The following CSMD3 variants were observed in gnomAD, a reference collection of about 807,000 sequenced individuals.
CSMD3 encodes CUB and Sushi multiple domains 3.
In CSMD3, 177 loss-of-function variants were observed where a neutral mutation model predicts 435.2. The ratio of observed to expected loss-of-function variants is 0.41; its 90% confidence interval spans 0.36 to 0.46. The LOEUF (loss-of-function observed/expected upper bound fraction) is 0.46, where lower values mean the gene tolerates loss of function less well. CSMD3 is among the 20% of genes least tolerant of loss of function. CSMD3 has a pLI of 0.34. For missense variants in CSMD3, 4,265 were observed against 4,504.6 expected, an observed-to-expected ratio of 0.95 and a Z score of 1.52; for synonymous variants, 1,656 against 1,520.5, an observed-to-expected ratio of 1.09 and a Z score of -2.07.
At chr8:112,698,018 GGTGGCA>G (rs1051008373) in intron 13 of CSMD3, among the ~76,000 whole-genome samples, 1 of 152,126 alleles carries the variant, frequency 6.6e-6, no homozygotes, top group African/African-American at 2.4e-5. Flanking sequence ...GGTAGAGTTA[GGTGGCA>G]GTGGCAGTGG....
chr8:113,368,031 T>C (rs908699971), intron 1 of CSMD3, among the ~76,000 whole-genome samples: 3 of 152,158 alleles, frequency 2.0e-5, no homozygotes, highest in African/African-American at 7.2e-5. Flanking sequence ...CATCATTATT[T>C]GGTACATAAA....
chr8:112,684,837 C>A (rs1252953709), intron 15 of CSMD3, among the ~76,000 whole-genome samples: 1 of 152,102 alleles, frequency 6.6e-6, no homozygotes, highest in Non-Finnish European at 1.5e-5. Context: ...CTAATTTATT[C>A]TTTATAGCAA....
At chr8:112,884,346 A>G (rs2081530023) in intron 10 of CSMD3, among the ~76,000 whole-genome samples, 1 of 151,744 alleles carries the variant, frequency 6.6e-6, no homozygotes, top group African/African-American at 2.4e-5. Context: ...TGCTTCTTCT[A>G]TGACTCTTAG....
intron 28 of CSMD3, among the ~76,000 whole-genome samples, chr8:112,511,326 T>C (rs902175615): frequency 2.0e-5 from 3 of 151,778 alleles, no homozygotes; most frequent in African/African-American, 7.3e-5. Flanking sequence ...TGTTGATGGC[T>C]GCTAACTGAT....
chr8:112,648,722 T>C (rs776198364), intron 19 of CSMD3, among the ~76,000 whole-genome samples: 17 of 152,188 alleles, frequency 1.1e-4, no homozygotes, highest in Non-Finnish European at 2.1e-4. Flanking sequence ...TGCCATTACT[T>C]TTTATCTTCC....
intron 58 of CSMD3, among the ~76,000 whole-genome samples, chr8:112,285,682 T>A (rs1165326006): frequency 6.6e-6 from 1 of 152,078 alleles, no homozygotes; most frequent in Non-Finnish European, 1.5e-5. Context: ...AACATTTTAT[T>A]TACTAGTCAA....
chr8:112,975,286 T>C (rs950399314), intron 7 of CSMD3, among the ~76,000 whole-genome samples: 3 of 152,110 alleles, frequency 2.0e-5, no homozygotes, highest in African/African-American at 4.8e-5. Flanking sequence ...AATCTTTCAA[T>C]GCAATCATAT....
At chr8:112,891,819 T>C (rs1419772409) in intron 10 of CSMD3, among the ~76,000 whole-genome samples, 2 of 151,484 alleles carry the variant, frequency 1.3e-5, no homozygotes, top group Admixed American at 6.6e-5. Flanking sequence ...GAATAGGAAA[T>C]TAAATCTCCA....
chr8:112,654,008 TAGAATGGGGTAAAAAAAA>T (rs913154552), intron 18 of CSMD3, among the ~76,000 whole-genome samples: 17 of 148,060 alleles, frequency 1.1e-4, no homozygotes, highest in African/African-American at 3.8e-4. Context: ...GGGGGGCAGA[TAGAATGGGGTAAAAAAAA>T]AGAATGGGGT....
At chr8:112,558,113 G>T (rs1005959488) in intron 24 of CSMD3, among the ~76,000 whole-genome samples, 1 of 151,814 alleles carries the variant, frequency 6.6e-6, no homozygotes, top group African/African-American at 2.4e-5. Flanking sequence ...AATGAAAAGT[G>T]ATTAGAAGGC....
In CSMD3 at chr8:112,689,774, C is replaced by G. The variant is rs2076091293; in HGVS notation, c.2155+94G>C. 4 of 1,061,758 alleles carry G rather than the reference C, an allele frequency of 3.8e-6. No homozygotes were observed. The South Asian group carries it at 4.0e-5, about 11-fold the overall frequency. The allele number at this position is 1,061,758 out of a possible 1,614,324, so 65.8% of individuals were successfully genotyped here. On this transcript the variant is annotated intron_variant, in intron 14 of 70. Transcript: ENST00000297405. ...AGTGCTACTCACTCAAAAATAATTA[C>G]ACGGTTGCAGCTCTTTGCAATTAAT... is the stretch of plus-strand genomic sequence containing the variant.
Position 112,556,936 on chromosome 8 carries a change from C to T in CSMD3, c.4061G>A (p.Cys1354Tyr), listed in dbSNP as rs2131226353. The change falls in exon 25 of 71, where the codon TGT becomes TAT. Residue 1354 changes from cysteine (C) to tyrosine (Y), a missense_variant. Physicochemically the swap from Cys to Tyr is radical, Grantham distance 194. Transcript: ENST00000297405. ...AAATTGTGGAATGCCAGGATCTTCA[C>T]AGTGTGAGAGTTCAAAACCTGGGAC... Reference protein sequence around the residue: ...LVYTSFELSHCEDPGIPQFGY... With the variant: ...LVYTSFELSHYEDPGIPQFGY... 2 of 1,611,472 alleles carry T rather than the reference C, an allele frequency of 1.2e-6. No individual in the cohort carries two copies. The highest frequency in any genetic ancestry group is 1.7e-6 in the Non-Finnish European group (2 of 1,178,260).
intron 35 of CSMD3, among the ~76,000 whole-genome samples, chr8:112,396,506 G>A (rs1297191623): frequency 6.6e-6 from 1 of 152,124 alleles, no homozygotes; most frequent in East Asian, 1.9e-4. Flanking sequence ...ATTTGTGAAG[G>A]TTTAAGCAAG....
chr8:112,991,055 ATC>A (rs1337501936), intron 6 of CSMD3, among the ~76,000 whole-genome samples: 1 of 151,928 alleles, frequency 6.6e-6, no homozygotes, highest in East Asian at 1.9e-4. Flanking sequence ...CATAATAATT[ATC>A]TGTCTGTATT....
At chr8:112,489,496 A>G (rs1820471446) in intron 31 of CSMD3, among the ~76,000 whole-genome samples, 2 of 152,190 alleles carry the variant, frequency 1.3e-5, no homozygotes, top group Admixed American at 1.3e-4. Flanking sequence ...CTGAAGAAAA[A>G]TAATTTGATA....
chr8:112,498,681 T>C (rs1821619606), intron 30 of CSMD3, among the ~76,000 whole-genome samples: 1 of 152,142 alleles, frequency 6.6e-6, no homozygotes, highest in South Asian at 2.1e-4. Context: ...GAACCTCACT[T>C]TATCTCTACA....
chr8:112,596,440 A>C (rs1831728578), intron 22 of CSMD3, among the ~76,000 whole-genome samples: 1 of 152,166 alleles, frequency 6.6e-6, no homozygotes, highest in Non-Finnish European at 1.5e-5. Flanking sequence ...CCCCACTGTC[A>C]ACATTAGACA....
intron 12 of CSMD3, among the ~76,000 whole-genome samples, chr8:112,817,220 G>T (rs553577200): frequency 3.3e-5 from 5 of 152,064 alleles, no homozygotes; most frequent in Non-Finnish European, 7.4e-5. Context: ...GCAGAAAAAT[G>T]AAGGAGTATC....
chr8:113,272,144 G>A (rs1042644844), intron 3 of CSMD3, among the ~76,000 whole-genome samples: 18 of 152,212 alleles, frequency 1.2e-4, no homozygotes, highest in South Asian at 6.2e-4. Context: ...AGGTGCAAGC[G>A]ACTTACCTTG....
Sources: allele counts gnomAD v4.1 joint callset (sites outside exome capture counted in the v4.1 genomes callset), GRCh38; gene constraint gnomAD v4.1.1; transcripts MANE v1.5; gene names NCBI Gene and HGNC (gene_info 2026-07-23, HGNC 2026-07-21).